Variants in ATP8B4 observed in about 807,000 individuals in gnomAD.
ATP8B4 encodes the protein probable phospholipid-transporting ATPase IM.
In ATP8B4, 133 loss-of-function variants were observed where a neutral mutation model predicts 145.6. The observed-to-expected ratio is 0.91, with a 90% CI of 0.79 to 1.05. The LOEUF (loss-of-function observed/expected upper bound fraction) is 1.05. ATP8B4 is among the 50% of genes least tolerant of loss of function. ATP8B4 has a pLI of 0.00. For synonymous variants in ATP8B4, 507 were observed against 492.9 expected (o/e 1.03, Z -0.38); for missense variants, 1,458 against 1,425.2 (o/e 1.02, Z -0.37).
chr15:49,962,149 C>T (rs1047252959), intron 13 of ATP8B4, 129 bp from the exon 14 acceptor site: 43 of 676,096 alleles, frequency 6.4e-5, no homozygotes, highest in Admixed American at 3.7e-4. Flanking sequence ...TTTAAACAGG[C>T]GAATGGTTTT....
chr15:50,043,483 T>C (rs1348437274), intron 5 of ATP8B4, among the ~76,000 whole-genome samples: 1 of 152,132 alleles, frequency 6.6e-6, no homozygotes, highest in Non-Finnish European at 1.5e-5. Flanking sequence ...CTGCAACCCC[T>C]GAGACAGTAA....
At chr15:49,952,633 G>A in intron 14 of ATP8B4, among the ~76,000 whole-genome samples, 1 of 151,996 alleles carries the variant, frequency 6.6e-6, no homozygotes, top group South Asian at 2.1e-4. Flanking sequence ...TTTGCATTGG[G>A]TTAGAACACA....
intron 2 of ATP8B4, among the ~76,000 whole-genome samples, chr15:50,087,743 A>G (rs1254392198): frequency 1.3e-5 from 2 of 152,070 alleles, no homozygotes; most frequent in African/African-American, 4.8e-5. Flanking sequence ...TTGTGAAGTC[A>G]CAAAGGTGAA....
At chr15:49,937,448 C>G (rs567063210) in intron 14 of ATP8B4, among the ~76,000 whole-genome samples, 1 of 152,264 alleles carries the variant, frequency 6.6e-6, no homozygotes, top group African/African-American at 2.4e-5. Context: ...TTAAGCCTCA[C>G]AGGGCCAGGA....
chr15:49,989,070 T>G (rs542195699), intron 9 of ATP8B4, among the ~76,000 whole-genome samples: 11 of 152,210 alleles, frequency 7.2e-5, no homozygotes, highest in Non-Finnish European at 1.6e-4. Flanking sequence ...CACTGCTAAA[T>G]AGAGACTGCT....
intron 14 of ATP8B4, among the ~76,000 whole-genome samples, chr15:49,942,874 A>T (rs1048653696): frequency 6.6e-6 from 1 of 151,984 alleles, no homozygotes; most frequent in Admixed American, 6.6e-5. Context: ...AAAATTCCAG[A>T]AATTAGTCTA....
intron 6 of ATP8B4, among the ~76,000 whole-genome samples, chr15:50,021,561 T>G (rs1381070753): frequency 1.3e-5 from 2 of 152,144 alleles, no homozygotes; most frequent in African/African-American, 2.4e-5. Flanking sequence ...GCTAGCTGCC[T>G]CTCAGTTCAA....
chr15:50,172,689 G>A (rs1042817437), intron 1 of ATP8B4, among the ~76,000 whole-genome samples: 2 of 152,008 alleles, frequency 1.3e-5, no homozygotes, highest in Non-Finnish European at 2.9e-5. Context: ...ATCCCATCTA[G>A]GAAGTGAGGA....
At chr15:50,072,926 CTCTCTCTCT>C (rs1567305726) in intron 3 of ATP8B4, among the ~76,000 whole-genome samples, 39 of 9,568 alleles carry the variant, frequency 4.1e-3, no homozygotes, top group African/African-American at 0.015. Flanking sequence ...CCCGGCCTCT[CTCTCTCTCT>C]CTCTCTCTCT....
intron 1 of ATP8B4, among the ~76,000 whole-genome samples, chr15:50,177,659 G>A (rs753375886): frequency 2.6e-5 from 4 of 152,184 alleles, no homozygotes; most frequent in Non-Finnish European, 1.5e-5. Flanking sequence ...AGCCACTAGG[G>A]CTCTACCGAG....
At chr15:49,916,470 C>T (rs16963064) in intron 20 of ATP8B4, among the ~76,000 whole-genome samples, 34,719 of 152,016 alleles carry the variant, frequency 0.23, 5,662 homozygotes, top group African/African-American at 0.46. Context: ...ACAGCTGTTT[C>T]CCAAACTTAT....
chr15:49,957,668 G>A (rs1387119002), intron 14 of ATP8B4, among the ~76,000 whole-genome samples: 1 of 151,904 alleles, frequency 6.6e-6, no homozygotes, highest in African/African-American at 2.4e-5. Context: ...AGGCCAAGAA[G>A]AATTGAATGA....
intron 9 of ATP8B4, among the ~76,000 whole-genome samples, chr15:49,995,751 C>A (rs1281789903): frequency 2.6e-5 from 4 of 152,124 alleles, no homozygotes; most frequent in African/African-American, 9.7e-5. Flanking sequence ...GTCTCAAACT[C>A]ATGAAAATCC....
At chr15:50,177,659 G>T (rs753375886) in intron 1 of ATP8B4, among the ~76,000 whole-genome samples, 1 of 152,184 alleles carries the variant, frequency 6.6e-6, no homozygotes, top group African/African-American at 2.4e-5. Context: ...AGCCACTAGG[G>T]CTCTACCGAG....
intron 9 of ATP8B4, among the ~76,000 whole-genome samples, chr15:49,994,023 T>A (rs2047231409): frequency 6.6e-6 from 1 of 152,202 alleles, no homozygotes; most frequent in South Asian, 2.1e-4. Context: ...TGAAGTATTT[T>A]TAAATGGCTA....
intron 2 of ATP8B4, among the ~76,000 whole-genome samples, chr15:50,086,547 A>T (rs1362381342): frequency 4.2e-5 from 4 of 95,146 alleles, no homozygotes; most frequent in Admixed American, 2.5e-4. Context: ...ATATATAATA[A>T]AATAATATAG....
At chr15:50,077,459 G>GA (rs2054256671) in intron 2 of ATP8B4, among the ~76,000 whole-genome samples, 1 of 152,132 alleles carries the variant, frequency 6.6e-6, no homozygotes. Flanking sequence ...TTGACTGGGA[G>GA]AAAAAAGATA....
rs565362440 is a variant in ATP8B4 at position 50,086,648 on chromosome 15, TAATAA to T, written c.29-12468_29-12464del. On this transcript the variant is annotated intron_variant, in intron 2 of 27. Coordinates refer to ENST00000284509, the MANE Select transcript of ATP8B4 (RefSeq NM_024837.4). ...AATAGAGATCTATATTTATTATATA[TAATAA>T]AATAATAGAGATCTATATTTATTAT... is the stretch of plus-strand genomic sequence containing the variant. 6.7e-3 allele frequency among the ~76,000 whole-genome samples: 768 copies of T among 114,582 alleles called. 5 individuals are homozygous for T. Among genetic ancestry groups the T allele is most frequent in the Non-Finnish European group, 9.8e-3 (602 of 61,404 alleles). 75.2% of individuals were successfully genotyped at this position (114,582 alleles called of 152,430 possible). A position where few individuals can be genotyped will look rare whatever the true frequency, so the allele number is the denominator to read the frequency against.
chr15:50,057,498 T>A (rs2052695927), intron 3 of ATP8B4, among the ~76,000 whole-genome samples: 1 of 152,218 alleles, frequency 6.6e-6, no homozygotes, highest in South Asian at 2.1e-4. Context: ...TCCTTCACTC[T>A]GGTGAAGAAC....
Sources: allele counts gnomAD v4.1 joint callset (sites outside exome capture counted in the v4.1 genomes callset), GRCh38; gene constraint gnomAD v4.1.1; transcripts MANE v1.5; gene names NCBI Gene and HGNC (gene_info 2026-07-23, HGNC 2026-07-21).